Variants in TEX14 observed in about 807,000 individuals in gnomAD.
The protein encoded by TEX14 is testis expressed 14, intercellular bridge forming factor, also known as inactive serine/threonine-protein kinase TEX14.
A neutral mutation model predicts 178.6 loss-of-function variants in TEX14; 168 were observed. The ratio of observed to expected loss-of-function variants is 0.94; its 90% CI spans 0.83 to 1.07. TEX14 has a LOEUF of 1.07. Among genes scored for constraint, TEX14 ranks in the 50% least tolerant of loss-of-function variants. TEX14 has a pLI of 0.00. For missense variants in TEX14, 1,730 were observed against 1,753.6 expected (o/e 0.99, Z 0.24); for synonymous variants, 626 against 634.1 (o/e 0.99, Z 0.19).
At chr17:58,570,780 C>T (rs573664509) in intron 24 of TEX14, among the ~76,000 whole-genome samples, 2 of 151,974 alleles carry the variant, frequency 1.3e-5, no homozygotes, top group South Asian at 4.2e-4. Context: ...TGTGTACCAC[C>T]ACGCCCAGCC....
intron 3 of TEX14, among the ~76,000 whole-genome samples, chr17:58,626,117 T>C (rs1428555053): frequency 6.6e-6 from 1 of 152,164 alleles, no homozygotes; most frequent in Non-Finnish European, 1.5e-5. Context: ...CTGGCTTTCC[T>C]GGCTCCCTTT....
rs1259250259 is a variant in TEX14 at position 58,569,153 on chromosome 17, CAG to C, written c.3886+37_3886+38del. The C allele has an allele frequency of 1.9e-6, 3 of 1,540,384 alleles. No homozygotes were observed. The highest frequency in any genetic ancestry group is 1.4e-5 in the African/African-American group (1 of 73,338). On this transcript the variant is annotated intron_variant, in intron 26 of 31. Coordinates refer to ENST00000349033, the MANE Select transcript of TEX14 (RefSeq NM_031272.5). This position sits in a 1 kb window ranked among gnomAD's most constrained non-coding sequence, Gnocchi z 4.1. ...ATACTGTGGTCAGTGACATAACTAACAGGGCCGAGAAGTATATTCTGTATTGA... is the reference window on the plus strand; with the variant it reads ...ATACTGTGGTCAGTGACATAACTAACGGCCGAGAAGTATATTCTGTATTGA...
Position 58,573,291 on chromosome 17 carries a change from T to C in TEX14, c.3401A>G (p.Gln1134Arg). The part of the protein sequence containing the change: ...KEKDISLTDI[Q>R]DLSSISYEPD... Reference sequence around the variant, plus strand: ...TTCATAGGAGATACTAGACAGGTCTTGAATATCCGTCAATGATCTAAAGAA... The same window carrying C: ...TTCATAGGAGATACTAGACAGGTCTCGAATATCCGTCAATGATCTAAAGAA... The change falls in exon 23 of 32, where the codon CAA (glutamine) becomes CGA (arginine). Residue 1134 changes from glutamine to arginine, a missense_variant. Physicochemically the swap from Gln to Arg is conservative, Grantham distance 43. This residue lies in a region of TEX14 where 941 missense variants were observed against 1,072.4 expected (regional missense o/e 0.88). Coordinates refer to ENST00000349033, the MANE Select transcript of TEX14 (RefSeq NM_031272.5). 6.2e-7 allele frequency: 1 copy of C among 1,613,752 alleles called. No individual in the cohort carries two copies. Among genetic ancestry groups the C allele is most frequent in the Non-Finnish European group, 8.5e-7 (1 of 1,179,694 alleles).
Position 58,599,098 on chromosome 17 carries a change from C to T in TEX14, c.2247G>A (p.Arg749=), listed in dbSNP as rs1417694570. 1 of 1,613,926 alleles carries T rather than the reference C, an allele frequency of 6.2e-7. No homozygotes were observed. Among genetic ancestry groups the T allele is most frequent in the African/African-American group, 1.3e-5 (1 of 74,916 alleles). The change falls in exon 14 of 32, where the codon AGG becomes AGA. Residue 749 remains arginine, a synonymous_variant. Coordinates refer to ENST00000349033, the MANE Select transcript of TEX14 (RefSeq NM_031272.5). ...TIMHENDDRL[R]NIEQILDEVE... is the part of the protein sequence containing the mutation. ...CTTCATCTAATATCTGCTCGATATT[C>T]CTCAGCCTATCATCATTCTCGTGCA... is the stretch of plus-strand genomic sequence containing the variant.
Position 58,605,117 on chromosome 17 carries a change from A to G in TEX14, c.1197T>C (p.Gly399=). 6.2e-7 allele frequency: 1 copy of G among 1,613,992 alleles called. No individual in the cohort carries two copies. The highest frequency in any genetic ancestry group is 8.5e-7 in the Non-Finnish European group (1 of 1,179,946). The change falls in exon 11 of 32, where the codon GGT becomes GGC. Residue 399 remains glycine (G), a synonymous_variant. Transcript: ENST00000349033. ...GCACTCGAGTCAGGTCCCTCTGTAC[A>G]CCTCTGTCCTCGCTACGGAAGGAAA... is the stretch of plus-strand genomic sequence containing the variant. ...LEYMLESEDR[G]VQRDLTRVPL...
rs367951981 is a variant in TEX14 at position 58,573,270 on chromosome 17, T to C, written c.3422A>G (p.Tyr1141Cys). 48 of 1,613,854 alleles carry C rather than the reference T, an allele frequency of 3.0e-5. No individual in the cohort carries two copies. The Admixed American group carries it at 6.3e-4, about 21-fold the overall frequency. The change falls in exon 23 of 32, where the codon TAT becomes TGT. Residue 1141 changes from tyrosine to cysteine, a missense_variant. By Grantham distance (194) the Tyr-to-Cys change is radical. Coordinates refer to ENST00000349033, the MANE Select transcript of TEX14 (RefSeq NM_031272.5). ...TDIQDLSSIS[Y>C]EPDSSFKEAS... ...TTCCTTAAAAGAGCTGTCTGGTTCA[T>C]AGGAGATACTAGACAGGTCTTGAAT...
rs1336932260 is a variant in TEX14 at position 58,617,616 on chromosome 17, G to A, written c.558C>T (p.Asn186=). ...GCAGTCGGTTAGGAGAGCCATTAGG[G>A]TTTCTAGAAATATTTAAAACAGGAA... ...PSWCGGLVQG[N]PNGSPNRLLK... The change falls in exon 6 of 32, where the codon AAC becomes AAT. Residue 186 remains asparagine (N), a synonymous_variant. Coordinates refer to ENST00000349033, the MANE Select transcript of TEX14 (RefSeq NM_031272.5). The A allele has an allele frequency of 7.5e-6, 12 of 1,609,546 alleles. No individual in the cohort carries two copies. The highest frequency in any genetic ancestry group is 1.0e-5 in the Non-Finnish European group (12 of 1,177,000).
At chr17:58,648,415 G>A (rs1238487735) in intron 2 of TEX14, among the ~76,000 whole-genome samples, 2 of 152,190 alleles carry the variant, frequency 1.3e-5, no homozygotes, top group Non-Finnish European at 2.9e-5. Context: ...CCACTGTGGA[G>A]TCTACTTGTG....
chr17:58,632,325 T>TC (rs2046341132), intron 2 of TEX14, among the ~76,000 whole-genome samples: 1 of 152,252 alleles, frequency 6.6e-6, no homozygotes, highest in South Asian at 2.1e-4. Flanking sequence ...TTGTATTTCT[T>TC]CCCCAAAAAC....
chr17:58,623,127 G>T, intron 3 of TEX14, 115 bp from the exon 4 acceptor site: 2 of 844,116 alleles, frequency 2.4e-6, no homozygotes, highest in Non-Finnish European at 3.6e-6. Flanking sequence ...TGGTGACGAG[G>T]AATATAACAA....
intron 2 of TEX14, chr17:58,631,315 A>G (rs967732875): frequency 3.8e-5 from 6 of 156,036 alleles, no homozygotes. Context: ...TACAAAAACT[A>G]GCGGGGCTGG....
At chr17:58,621,894 A>G (rs2046007143) in intron 4 of TEX14, 108 bp from the exon 5 acceptor site, 1 of 1,272,076 alleles carries the variant, frequency 7.9e-7, no homozygotes, top group South Asian at 1.7e-5. Context: ...CCCAACAGAA[A>G]AACCTCTCAA....
chr17:58,659,148 G>C (rs1035067780), intron 1 of TEX14, among the ~76,000 whole-genome samples: 2 of 150,830 alleles, frequency 1.3e-5, no homozygotes, highest in African/African-American at 4.9e-5. Flanking sequence ...TTCAATCACA[G>C]GACAGAAAAG....
intron 1 of TEX14, among the ~76,000 whole-genome samples, chr17:58,654,423 C>T (rs2046905262): frequency 6.6e-6 from 1 of 151,400 alleles, no homozygotes; most frequent in Admixed American, 6.6e-5. Flanking sequence ...GAATGAAACA[C>T]TCCACCTTGT....
At chr17:58,664,875 T>G (rs2047179745) in intron 1 of TEX14, among the ~76,000 whole-genome samples, 1 of 152,202 alleles carries the variant, frequency 6.6e-6, no homozygotes, top group Non-Finnish European at 1.5e-5. Context: ...CTGTGGTACG[T>G]AACAGATAAG....
intron 1 of TEX14, among the ~76,000 whole-genome samples, chr17:58,685,452 A>G (rs1242196914): frequency 2.6e-5 from 4 of 151,412 alleles, no homozygotes; most frequent in African/African-American, 9.7e-5. Flanking sequence ...AAAAAAAAAG[A>G]ATGTCAGATT....
At chr17:58,628,057 C>G (rs1235726583) in intron 3 of TEX14, among the ~76,000 whole-genome samples, 2 of 151,608 alleles carry the variant, frequency 1.3e-5, no homozygotes, top group Admixed American at 1.3e-4. Flanking sequence ...TCTGGCTGAC[C>G]CCTTTCTCTC....
At chr17:58,659,274 C>A (rs1050366206) in intron 1 of TEX14, 2 of 889,888 alleles carry the variant, frequency 2.2e-6, no homozygotes, top group Admixed American at 1.2e-4. Context: ...TTTATCAGGA[C>A]CAACAGCGTC....
At chr17:58,654,635 T>A (rs1052706715) in intron 1 of TEX14, among the ~76,000 whole-genome samples, 5 of 151,568 alleles carry the variant, frequency 3.3e-5, no homozygotes, top group Admixed American at 3.3e-4. Flanking sequence ...GGCTCCCAAG[T>A]AGTTGGGATT....
Sources: gnomAD v4.1 joint callset for allele counts (sites outside exome capture counted in the v4.1 genomes callset) on GRCh38, gnomAD v4.1.1 for gene constraint, gnomAD v4.1.1 regional missense constraint, Gnocchi (gnomAD v3.1) non-coding constraint, MANE v1.5 for transcripts, NCBI Gene and HGNC (gene_info 2026-07-23, HGNC 2026-07-21) for gene names.